CDH18: variants seen among roughly 807,000 people sequenced by gnomAD.
The protein encoded by CDH18 is cadherin 18.
CDH18 carries 31 observed loss-of-function variants against 67.9 expected under a neutral mutation model. The ratio of observed to expected loss-of-function variants is 0.46; its 90% CI spans 0.34 to 0.62. The LOEUF (loss-of-function observed/expected upper bound fraction) is 0.62, where lower values mean the gene tolerates loss of function less well. CDH18 is among the 20% of genes least tolerant of loss of function. CDH18 has a pLI of 0.01. For synonymous variants in CDH18, 362 were observed against 347.2 expected (o/e 1.04, Z -0.48); for missense variants, 890 against 975.5 (o/e 0.91, Z 1.17).
At chr5:20,455,324 A>G (rs1750764589) in intron 1 of CDH18, among the ~76,000 whole-genome samples, 1 of 152,140 alleles carries the variant, frequency 6.6e-6, no homozygotes, top group African/African-American at 2.4e-5. Flanking sequence ...ATTTGGAACC[A>G]TCACTTTGCC....
At chr5:19,844,820 T>C (rs953866368) in intron 2 of CDH18, among the ~76,000 whole-genome samples, 19 of 152,214 alleles carry the variant, frequency 1.2e-4, no homozygotes, top group African/African-American at 4.3e-4. Context: ...AAGTACTTGA[T>C]ATAATTTCTA....
chr5:19,566,495 C>A (rs918674912), intron 8 of CDH18, among the ~76,000 whole-genome samples: 1 of 152,154 alleles, frequency 6.6e-6, no homozygotes, highest in Non-Finnish European at 1.5e-5. Flanking sequence ...GGAGGCCTCA[C>A]AATCATGGTG....
intron 1 of CDH18, among the ~76,000 whole-genome samples, chr5:20,302,977 C>T (rs114759570): frequency 1.4e-3 from 206 of 152,300 alleles, no homozygotes; most frequent in African/African-American, 4.5e-3. Flanking sequence ...TCCAAACAGA[C>T]ATATGGAATC....
chr5:19,498,905 C>T (rs1190995749), intron 11 of CDH18, among the ~76,000 whole-genome samples: 1 of 152,144 alleles, frequency 6.6e-6, no homozygotes. Flanking sequence ...AGGAACTAGT[C>T]CTAATTCCCC....
intron 5 of CDH18, among the ~76,000 whole-genome samples, chr5:19,638,227 T>G (rs62351289): frequency 0.064 from 9,751 of 152,238 alleles, 335 homozygotes; most frequent in Non-Finnish European, 0.074. Flanking sequence ...AAGTACCATA[T>G]TTTCTCTAAA....
chr5:19,973,210 A>G (rs1561660650), intron 2 of CDH18, among the ~76,000 whole-genome samples: 1 of 152,140 alleles, frequency 6.6e-6, no homozygotes, highest in Non-Finnish European at 1.5e-5. Context: ...AAAATACTGT[A>G]TAATTTGGTT....
chr5:20,323,347 T>C (rs1405563199), intron 1 of CDH18, among the ~76,000 whole-genome samples: 1 of 152,148 alleles, frequency 6.6e-6, no homozygotes, highest in African/African-American at 2.4e-5. Context: ...TTTTCTTGAG[T>C]CCTAAACTTG....
At chr5:19,591,877 G>A (rs912097328) in intron 6 of CDH18, among the ~76,000 whole-genome samples, 37 of 151,880 alleles carry the variant, frequency 2.4e-4, no homozygotes, top group African/African-American at 8.0e-4. Context: ...TTTAAAAATC[G>A]ATTACAGAGT....
At chr5:20,234,630 T>C (rs1742335954) in intron 2 of CDH18, among the ~76,000 whole-genome samples, 1 of 152,122 alleles carries the variant, frequency 6.6e-6, no homozygotes, top group South Asian at 2.1e-4. Flanking sequence ...GAAAAACAAA[T>C]GTTTATTGTT....
chr5:20,114,107 A>G (rs2126364322), intron 2 of CDH18, among the ~76,000 whole-genome samples: 1 of 152,338 alleles, frequency 6.6e-6, no homozygotes, highest in East Asian at 1.9e-4. Context: ...GACGCTCCTC[A>G]CTCAAGGTTA....
intron 3 of CDH18, among the ~76,000 whole-genome samples, chr5:19,819,308 T>C (rs1779608310): frequency 6.6e-6 from 1 of 152,270 alleles, no homozygotes; most frequent in East Asian, 1.9e-4. Context: ...GAACTCTTAT[T>C]AAAAATTTAG....
At chr5:20,307,859 CTTAG>C (rs113507767) in intron 1 of CDH18, among the ~76,000 whole-genome samples, 1,773 of 152,196 alleles carry the variant, frequency 0.012, 37 homozygotes, top group African/African-American at 0.04. Flanking sequence ...TATTATTAGT[CTTAG>C]TTTGTTTTAC....
At chr5:20,264,553 T>C (rs966431067) in intron 1 of CDH18, among the ~76,000 whole-genome samples, 1 of 151,992 alleles carries the variant, frequency 6.6e-6, no homozygotes, top group African/African-American at 2.4e-5. Flanking sequence ...CTTCAGAAGA[T>C]CACGTAAAAT....
At position 19,566,021 on chromosome 5, in the gene CDH18, A is replaced by AG. The variant is rs1343701181; in HGVS notation, c.1253+5557dup. Among the ~76,000 whole-genome samples the AG allele has an allele frequency of 6.7e-5, 10 of 149,978 alleles. No homozygotes were observed. The South Asian group carries it at 1.5e-3, about 22-fold the overall frequency. ...ATAATTGAAGCTCAAACAAATCTAT[A>AG]GAAAAAAAAAATCTAATAATCTGAA... On this transcript the variant is annotated intron_variant, in intron 8 of 12. Transcript: ENST00000382275.
intron 1 of CDH18, among the ~76,000 whole-genome samples, chr5:20,356,842 C>CAT (rs1158983270): frequency 6.8e-6 from 1 of 147,474 alleles, no homozygotes; most frequent in Admixed American, 6.8e-5. Context: ...TATATACACA[C>CAT]ATATATATAC....
At chr5:19,871,837 A>G (rs1786338501) in intron 2 of CDH18, among the ~76,000 whole-genome samples, 1 of 152,196 alleles carries the variant, frequency 6.6e-6, no homozygotes, top group African/African-American at 2.4e-5. Context: ...AGAACACAGC[A>G]ATTATAGCCA....
chr5:19,939,754 C>G (rs1469465245), intron 2 of CDH18, among the ~76,000 whole-genome samples: 1 of 151,704 alleles, frequency 6.6e-6, no homozygotes, highest in Non-Finnish European at 1.5e-5. Context: ...ATGATGTATA[C>G]TGGTGATCAT....
rs1406504614 is a variant in CDH18, at chr5:20,224,963, CTCT to C, written c.-518+30478_-518+30480del. ...CTCTCTCTGATTTTATTCTCTCTCACTCTTCTTCTTGCCTTTTGCCCTCAGCCC... is the reference window on the plus strand; with the variant it reads ...CTCTCTCTGATTTTATTCTCTCTCACTCTTCTTGCCTTTTGCCCTCAGCCC... On this transcript the variant is annotated intron_variant, in intron 2 of 14. Coordinates refer to the CDH18 transcript ENST00000507958. 1.1e-4 allele frequency among the ~76,000 whole-genome samples: 17 copies of C among 152,222 alleles called. No homozygotes were observed. The South Asian group carries it at 3.1e-3, about 28-fold the overall frequency.
chr5:20,208,747 T>G (rs1740114689), intron 2 of CDH18, among the ~76,000 whole-genome samples: 1 of 152,000 alleles, frequency 6.6e-6, no homozygotes. Flanking sequence ...AAAATGCTTC[T>G]GCACAGCCAA....
Sources: gnomAD v4.1 joint callset for allele counts (sites outside exome capture counted in the v4.1 genomes callset) on GRCh38, gnomAD v4.1.1 for gene constraint, MANE v1.5 for transcripts, NCBI Gene and HGNC (gene_info 2026-07-23, HGNC 2026-07-21) for gene names.